EDAR: variants seen among roughly 807,000 people sequenced by gnomAD.
The protein encoded by EDAR is tumor necrosis factor receptor superfamily member EDAR.
In EDAR, 38 loss-of-function variants were observed where a neutral mutation model predicts 51.3. The ratio of observed to expected loss-of-function variants is 0.74; its 90% CI spans 0.57 to 0.97. The LOEUF (loss-of-function observed/expected upper bound fraction) is 0.97, where lower values mean the gene tolerates loss of function less well. EDAR is among the 50% of genes least tolerant of loss of function. The probability of loss-of-function intolerance (pLI) is 0.00; values close to 1 mark genes in which losing one functional copy is unlikely to be tolerated. For synonymous variants in EDAR, 227 were observed against 242.1 expected (o/e 0.94, Z 0.58); for missense variants, 528 against 595.0 (o/e 0.89, Z 1.17).
chr2:108,937,239 C>T (rs1291196584), intron 1 of EDAR, among the ~76,000 whole-genome samples: 1 of 152,218 alleles, frequency 6.6e-6, no homozygotes, highest in Non-Finnish European at 1.5e-5. Context: ...TTTGCAAACT[C>T]CCTGGTGAAG....
intron 10 of EDAR, among the ~76,000 whole-genome samples, chr2:108,906,967 T>C (rs1436179840): frequency 6.6e-6 from 1 of 152,234 alleles, no homozygotes; most frequent in African/African-American, 2.4e-5. Context: ...CCATCAGTGA[T>C]GTTGCCTAGC....
intron 1 of EDAR, among the ~76,000 whole-genome samples, chr2:108,984,364 G>A (rs1347463746): frequency 6.6e-6 from 1 of 152,164 alleles, no homozygotes; most frequent in African/African-American, 2.4e-5. Flanking sequence ...GAGCCACCAT[G>A]GCTGAACTTC....
chr2:108,960,423 A>T lies in EDAR; in HGVS notation c.-19+28537T>A, dbSNP rs572157117. On this transcript the variant is annotated intron_variant, in intron 1 of 11. Coordinates refer to ENST00000258443, the MANE Select transcript of EDAR (RefSeq NM_022336.4). ...GGGTTCACCTGTGGTGCTCCCCCCA[A>T]AAACAGGATACCAGAATTTCTCAGA... Among the ~76,000 whole-genome samples, 5 of 152,260 alleles carry T rather than the reference A, an allele frequency of 3.3e-5. No individual in the cohort carries two copies. In the East Asian group the frequency reaches 9.7e-4, roughly 29 times the overall value.
At chr2:108,979,278 G>T (rs1257108582) in intron 1 of EDAR, among the ~76,000 whole-genome samples, 3 of 152,144 alleles carry the variant, frequency 2.0e-5, no homozygotes, top group Non-Finnish European at 2.9e-5. Context: ...TCATCTGGTT[G>T]GAGAAGTTTA....
chr2:108,962,537 T>C (rs1470946987), intron 1 of EDAR, among the ~76,000 whole-genome samples: 2 of 151,308 alleles, frequency 1.3e-5, no homozygotes, highest in Non-Finnish European at 2.9e-5. Flanking sequence ...TAGCCGGGCG[T>C]GGTGGCGGGC....
chr2:108,914,995 C>T (rs995811850), intron 5 of EDAR, among the ~76,000 whole-genome samples: 2 of 152,244 alleles, frequency 1.3e-5, no homozygotes, highest in Non-Finnish European at 2.9e-5. Flanking sequence ...TCACTGCAAC[C>T]TCTGCCTCCT....
chr2:108,923,264 T>C, intron 5 of EDAR, 104 bp downstream of exon 5: 1 of 1,128,774 alleles, frequency 8.9e-7, no homozygotes, highest in Non-Finnish European at 1.4e-6. Context: ...TTACTGTGAT[T>C]CACCTTGTCC....
intron 11 of EDAR, among the ~76,000 whole-genome samples, chr2:108,901,221 A>G (rs1253210538): frequency 1.3e-5 from 2 of 152,214 alleles, no homozygotes; most frequent in Non-Finnish European, 1.5e-5. Flanking sequence ...AAAACCAGAC[A>G]ACAGTCTTCT....
chr2:108,931,129 C>A, intron 1 of EDAR, 97 bp from the exon 2 acceptor site: 1 of 967,164 alleles, frequency 1.0e-6, no homozygotes, highest in East Asian at 2.5e-5. Context: ...AGGTGCCTTC[C>A]AGCAAACAGA....
rs121908454 is a variant in EDAR, at chr2:108,897,130, C to T, written c.1124G>A (p.Arg375His). 2.5e-6 allele frequency: 4 copies of T among 1,613,862 alleles called. No homozygotes were observed. Among genetic ancestry groups the T allele is most frequent in the Non-Finnish European group, 3.4e-6 (4 of 1,180,030 alleles). Residue 375 changes from arginine (R) to histidine (H), a missense_variant, in exon 12 of 12, where the codon CGC becomes CAC. Arg to His is a conservative substitution (Grantham distance 29). Transcript: ENST00000258443. ...NSEKAVVKTWRHLAESFGLKR... is the reference protein window; with the variant it reads ...NSEKAVVKTWHHLAESFGLKR... ...CAGGCCGAAGCTCTCGGCGAGGTGG[C>T]GCCACGTTTTCACAACAGCCTTCTC...
chr2:108,971,881 G>C (rs948579873), intron 1 of EDAR, among the ~76,000 whole-genome samples: 2 of 152,208 alleles, frequency 1.3e-5, no homozygotes, highest in Non-Finnish European at 1.5e-5. Context: ...CAATTACAGA[G>C]ACCAGGTCAC....
rs1402667027 is a variant in EDAR, at chr2:108,895,842, T to G, written c.*1065A>C. The G allele has an allele frequency of 6.6e-6, 1 of 152,222 alleles. No individual in the cohort carries two copies. The highest frequency in any genetic ancestry group is 1.5e-5 in the Non-Finnish European group (1 of 68,060). 9.4% of individuals were successfully genotyped at this position (152,222 alleles called of 1,614,324 possible). ...TCCCTGACTGGCTCAGAAGGCTGAG[T>G]CTGAAACTCTCATGCCATGAGGCTA... On this transcript the variant is annotated 3_prime_UTR_variant, in exon 12 of 12. Transcript: ENST00000258443.
At chr2:108,961,496 G>A (rs1303221128) in intron 1 of EDAR, among the ~76,000 whole-genome samples, 2 of 152,164 alleles carry the variant, frequency 1.3e-5, no homozygotes, top group Non-Finnish European at 2.9e-5. Context: ...CTCTTCAGAG[G>A]GAGGTAGAGC....
chr2:108,952,479 C>T (rs1697844677), intron 1 of EDAR, among the ~76,000 whole-genome samples: 3 of 152,214 alleles, frequency 2.0e-5, no homozygotes. Flanking sequence ...CTGCTTCTCT[C>T]TTCTACAGCC....
chr2:108,915,926 A>T (rs1327541591), intron 5 of EDAR, among the ~76,000 whole-genome samples: 21 of 152,070 alleles, frequency 1.4e-4, no homozygotes, highest in Admixed American at 1.4e-3. Flanking sequence ...AAATAAAAAT[A>T]AAAAAAGAGC....
chr2:108,939,918 G>T (rs1414920230), intron 1 of EDAR, among the ~76,000 whole-genome samples: 2 of 152,186 alleles, frequency 1.3e-5, no homozygotes, highest in African/African-American at 4.8e-5. Context: ...AGTATTTGTG[G>T]TGTGATGGAG....
At chr2:108,917,466 ACCC>A (rs1697048558) in intron 5 of EDAR, among the ~76,000 whole-genome samples, 1 of 152,152 alleles carries the variant, frequency 6.6e-6, no homozygotes, top group Non-Finnish European at 1.5e-5. Flanking sequence ...TATCATAATT[ACCC>A]TGATCAGATC....
chr2:108,900,384 T>C (rs1194075736), intron 11 of EDAR, among the ~76,000 whole-genome samples: 1 of 152,026 alleles, frequency 6.6e-6, no homozygotes, highest in African/African-American at 2.4e-5. Context: ...GGTGAAACCC[T>C]GTTTCTACTA....
chr2:108,930,967 C>A lies in EDAR; in HGVS notation c.48G>T (p.Leu16=), dbSNP rs564411406. The change falls in exon 2 of 12, where the codon CTG becomes CTT. Residue 16 remains leucine, a synonymous_variant. Coordinates refer to ENST00000258443, the MANE Select transcript of EDAR (RefSeq NM_022336.4). ...GTAAGGGGCTCAGACCACTTACCACCAGGACGGGGAGCCAGGGCGTCTGCG... is the reference window on the plus strand; with the variant it reads ...GTAAGGGGCTCAGACCACTTACCACAAGGACGGGGAGCCAGGGCGTCTGCG... ...DCTQTPWLPV[L]VVSLMCSARA... 2 of 1,613,916 alleles carry A rather than the reference C, an allele frequency of 1.2e-6. No individual in the cohort carries two copies. The highest frequency in any genetic ancestry group is 2.7e-5 in the African/African-American group (2 of 75,056).
Sources: gnomAD v4.1 joint callset for allele counts (sites outside exome capture counted in the v4.1 genomes callset) on GRCh38, gnomAD v4.1.1 for gene constraint, MANE v1.5 for transcripts, NCBI Gene and HGNC (gene_info 2026-07-23, HGNC 2026-07-21) for gene names.